Variants in NDFIP2 observed in about 807,000 individuals in gnomAD.
The protein encoded by NDFIP2 is NEDD4 family-interacting protein 2.
Under a neutral mutation model 36.0 loss-of-function variants are expected in NDFIP2, and 19 were observed. The observed-to-expected ratio is 0.53, with a 90% CI of 0.37 to 0.77. The LOEUF is 0.77. Among genes scored for constraint, NDFIP2 ranks in the 30% least tolerant of loss-of-function variants. The probability of loss-of-function intolerance (pLI) is 0.00; values close to 1 mark genes in which losing one functional copy is unlikely to be tolerated. For synonymous variants in NDFIP2, 181 were observed against 167.7 expected (o/e 1.08, Z -0.61); for missense variants, 446 against 435.8 (o/e 1.02, Z -0.21).
chr13:79,497,677 TC>T (rs1218609189), intron 1 of NDFIP2, among the ~76,000 whole-genome samples: 5 of 147,156 alleles, frequency 3.4e-5, no homozygotes, highest in African/African-American at 1.0e-4. Flanking sequence ...TTTTTTTTTT[TC>T]TATTCCTTGC....
At chr13:79,485,646 C>T (rs1872951305) in intron 1 of NDFIP2, among the ~76,000 whole-genome samples, 1 of 152,244 alleles carries the variant, frequency 6.6e-6, no homozygotes, top group African/African-American at 2.4e-5. Context: ...TTTACATAAT[C>T]AAGGTTACCC....
intron 1 of NDFIP2, chr13:79,519,299 TAG>T (rs1269601195): frequency 6.6e-6 from 1 of 152,212 alleles, no homozygotes; most frequent in Non-Finnish European, 1.5e-5. Flanking sequence ...TCTTTTGAAA[TAG>T]AGATTCCAGT....
chr13:79,544,213 G>C (rs1006421169), intron 5 of NDFIP2, among the ~76,000 whole-genome samples: 1 of 152,070 alleles, frequency 6.6e-6, no homozygotes, highest in Non-Finnish European at 1.5e-5. Context: ...AACATTGAGA[G>C]CTCAAAAGTG....
chr13:79,495,626 G>A (rs899926244), intron 1 of NDFIP2, among the ~76,000 whole-genome samples: 1 of 151,778 alleles, frequency 6.6e-6, no homozygotes, highest in Admixed American at 6.6e-5. Context: ...TGTGTCTTTT[G>A]TTGGTACCTT....
At chr13:79,529,950 A>G (rs115266913) in intron 2 of NDFIP2, among the ~76,000 whole-genome samples, 2,724 of 152,316 alleles carry the variant, frequency 0.018, 85 homozygotes, top group African/African-American at 0.062. Context: ...TGTTTACGCT[A>G]TACTCTTAAG....
intron 3 of NDFIP2, among the ~76,000 whole-genome samples, chr13:79,537,182 A>G (rs1365643036): frequency 6.6e-6 from 1 of 152,078 alleles, no homozygotes; most frequent in Non-Finnish European, 1.5e-5. Flanking sequence ...ATCTCAGTTC[A>G]GTGCAACCTC....
chr13:79,482,054 T>C (rs778856106), intron 1 of NDFIP2, among the ~76,000 whole-genome samples: 12 of 152,150 alleles, frequency 7.9e-5, no homozygotes, highest in Non-Finnish European at 1.6e-4. Flanking sequence ...CTAGCCATAA[T>C]GCTGATCTTG....
In NDFIP2 at chr13:79,543,683, G is replaced by T. The variant is rs1367822380; in HGVS notation, c.840+1G>T. The T allele has an allele frequency of 6.2e-7, 1 of 1,613,328 alleles. No homozygotes were observed. The highest frequency in any genetic ancestry group is 8.5e-7 in the Non-Finnish European group (1 of 1,179,764). On this transcript the variant is annotated splice_donor_variant, in intron 5 of 7. Transcript: ENST00000218652. LOFTEE classifies it high-confidence loss of function. The stretch of plus-strand genomic sequence containing the variant: ...GATCAAATGGATCCTTATTGTCAGG[G>T]TGAGTGTCTTGATAGCCTGTATCTC...
chr13:79,517,601 A>G (rs988794157), intron 1 of NDFIP2, among the ~76,000 whole-genome samples: 6 of 152,174 alleles, frequency 3.9e-5, no homozygotes, highest in African/African-American at 1.4e-4. Context: ...GAGGTTGTTG[A>G]CTGAGTTAGT....
intron 1 of NDFIP2, among the ~76,000 whole-genome samples, chr13:79,496,062 A>G (rs1566654938): frequency 6.6e-6 from 1 of 151,936 alleles, no homozygotes; most frequent in Non-Finnish European, 1.5e-5. Flanking sequence ...GTCTTAAATC[A>G]TAACATTTTA....
At position 79,533,396 on chromosome 13, in the gene NDFIP2, T is replaced by C. The variant is rs1189478542; in HGVS notation, c.561T>C (p.Asp187=). Residue 187 remains aspartate (D), a synonymous_variant, in exon 3 of 8, where the codon GAT becomes GAC. Coordinates refer to ENST00000218652, the MANE Select transcript of NDFIP2 (RefSeq NM_019080.3). ...TTGCTACCTCTCTTCCTACATACGA[T>C]GAAGCTGAGAAGGCTAAAGCTGCTG... The part of the protein sequence containing the change: ...YSVATSLPTY[D]EAEKAKAAAM... 1.2e-6 allele frequency: 2 copies of C among 1,612,236 alleles called. No individual in the cohort carries two copies. The highest frequency in any genetic ancestry group is 1.7e-5 in the Admixed American group (1 of 59,826).
At chr13:79,516,924 G>T (rs1874366874) in intron 1 of NDFIP2, among the ~76,000 whole-genome samples, 1 of 152,036 alleles carries the variant, frequency 6.6e-6, no homozygotes, top group Non-Finnish European at 1.5e-5. Flanking sequence ...AGAATGAAAG[G>T]TTATTATATA....
chr13:79,532,545 A>G (rs1175620351), intron 2 of NDFIP2, among the ~76,000 whole-genome samples: 2 of 152,182 alleles, frequency 1.3e-5, no homozygotes, highest in Non-Finnish European at 2.9e-5. Context: ...TGTATTTTCT[A>G]TTGTAATGTA....
Position 79,497,793 on chromosome 13 carries a change from G to GTGTGTGTGTGTGTGT in NDFIP2, c.321+16269_321+16270insTGTGTGTGTGTGTGT, listed in dbSNP as rs1566655451. On this transcript the variant is annotated intron_variant, in intron 1 of 7. Coordinates refer to ENST00000218652, the MANE Select transcript of NDFIP2 (RefSeq NM_019080.3). ...GCCCATTTAAATCCTTTATCTGTGGGGGGTGTGTGTGTGTGTGTGTGTGTG... is the reference window on the plus strand; with the variant it reads ...GCCCATTTAAATCCTTTATCTGTGGGTGTGTGTGTGTGTGTGGGTGTGTGTGTGTGTGTGTGTGTG... 1.2e-4 allele frequency among the ~76,000 whole-genome samples: 11 copies of GTGTGTGTGTGTGTGT among 92,928 alleles called. No individual in the cohort carries two copies. The East Asian group carries it at 1.4e-3, about 12-fold the overall frequency. The allele number at this position is 92,928 out of a possible 152,430, so 61.0% of individuals were successfully genotyped here.
At chr13:79,538,722 A>G (rs1430890415) in intron 3 of NDFIP2, among the ~76,000 whole-genome samples, 1 of 152,134 alleles carries the variant, frequency 6.6e-6, no homozygotes, top group Non-Finnish European at 1.5e-5. Context: ...AGCTGGGATT[A>G]CAGGCATGTG....
At chr13:79,525,172 T>C (rs942103956) in intron 2 of NDFIP2, among the ~76,000 whole-genome samples, 21 of 152,360 alleles carry the variant, frequency 1.4e-4, no homozygotes, top group African/African-American at 4.8e-4. Flanking sequence ...GATTCCTTGC[T>C]GAAATCTTTG....
intron 1 of NDFIP2, among the ~76,000 whole-genome samples, chr13:79,481,888 A>G (rs1486949296): frequency 6.6e-6 from 1 of 152,120 alleles, no homozygotes; most frequent in Non-Finnish European, 1.5e-5. Flanking sequence ...TCGATTGTCT[A>G]CTGGAAATGG....
chr13:79,530,376 C>T (rs1594854729), intron 2 of NDFIP2, among the ~76,000 whole-genome samples: 1 of 152,292 alleles, frequency 6.6e-6, no homozygotes, highest in East Asian at 1.9e-4. Flanking sequence ...CTCAGCTTCC[C>T]GAGTAGCTGG....
At chr13:79,510,048 A>G (rs1040470744) in intron 1 of NDFIP2, among the ~76,000 whole-genome samples, 1 of 152,186 alleles carries the variant, frequency 6.6e-6, no homozygotes, top group Admixed American at 6.5e-5. Flanking sequence ...GCATACTTCA[A>G]CCAAGTTGAC....
Sources: allele counts gnomAD v4.1 joint callset (sites outside exome capture counted in the v4.1 genomes callset), GRCh38; gene constraint gnomAD v4.1.1; transcripts MANE v1.5; gene names NCBI Gene and HGNC (gene_info 2026-07-23, HGNC 2026-07-21).